Variants in GPC6 observed in about 807,000 individuals in gnomAD.
GPC6 encodes the protein glypican 6.
GPC6 carries 14 observed loss-of-function variants against 55.2 expected under a neutral mutation model. That is an observed-to-expected ratio of 0.25 (90% confidence interval 0.17 to 0.40). The LOEUF (loss-of-function observed/expected upper bound fraction) is 0.40. Among genes scored for constraint, GPC6 ranks in the 10% least tolerant of loss-of-function variants. GPC6 has a pLI of 1.00. For synonymous variants in GPC6, 278 were observed against 259.6 expected (o/e 1.07, Z -0.68); for missense variants, 641 against 708.5 (o/e 0.90, Z 1.08).
At chr13:93,357,124 C>G (rs79766236) in intron 1 of GPC6, among the ~76,000 whole-genome samples, 7 of 152,186 alleles carry the variant, frequency 4.6e-5, no homozygotes, top group African/African-American at 1.7e-4. Flanking sequence ...AAAATCAAGA[C>G]AGGTCATTCC....
intron 2 of GPC6, among the ~76,000 whole-genome samples, chr13:93,624,423 T>C (rs1879105091): frequency 6.6e-6 from 1 of 152,232 alleles, no homozygotes. Context: ...CAGGGCTTTA[T>C]ACGTCTCAAT....
chr13:93,866,033 C>T (rs1357727929), intron 3 of GPC6, among the ~76,000 whole-genome samples: 5 of 151,636 alleles, frequency 3.3e-5, no homozygotes, highest in Admixed American at 6.6e-5. Context: ...TGAGCAGAGG[C>T]GGAGTCCTTG....
intron 5 of GPC6, among the ~76,000 whole-genome samples, chr13:94,295,042 C>A (rs932259020): frequency 6.6e-6 from 1 of 152,006 alleles, no homozygotes; most frequent in Non-Finnish European, 1.5e-5. Context: ...AGACTTCCAG[C>A]GATAAGGAAT....
intron 7 of GPC6, among the ~76,000 whole-genome samples, chr13:94,385,461 T>C (rs1880360590): frequency 1.3e-5 from 2 of 152,202 alleles, no homozygotes; most frequent in African/African-American, 4.8e-5. Context: ...GGTGGGAAAA[T>C]GATCCAGTTT....
At chr13:93,892,385 C>G (rs1374477474) in intron 3 of GPC6, among the ~76,000 whole-genome samples, 1 of 152,094 alleles carries the variant, frequency 6.6e-6, no homozygotes, top group Non-Finnish European at 1.5e-5. Flanking sequence ...TATGACTTTT[C>G]TAAATACTAT....
chr13:93,788,451 T>A (rs1488894254), intron 2 of GPC6, among the ~76,000 whole-genome samples: 1 of 151,824 alleles, frequency 6.6e-6, no homozygotes, highest in Non-Finnish European at 1.5e-5. Flanking sequence ...AACCACAGCA[T>A]ACCACAAGTG....
chr13:93,473,371 G>A (rs988959515), intron 1 of GPC6, among the ~76,000 whole-genome samples: 4 of 152,186 alleles, frequency 2.6e-5, no homozygotes, highest in Non-Finnish European at 5.9e-5. Context: ...GCTGGAGCGT[G>A]CACACACCTG....
intron 1 of GPC6, among the ~76,000 whole-genome samples, chr13:93,433,983 T>C (rs2049732488): frequency 6.6e-6 from 1 of 152,176 alleles, no homozygotes; most frequent in Admixed American, 6.6e-5. Context: ...TTGGGCTAGT[T>C]CCTTTGCCTC....
At chr13:93,620,236 C>A (rs1878893244) in intron 2 of GPC6, among the ~76,000 whole-genome samples, 1 of 152,024 alleles carries the variant, frequency 6.6e-6, no homozygotes, top group Non-Finnish European at 1.5e-5. Flanking sequence ...GAATAAAAAC[C>A]AACTATTTTG....
intron 2 of GPC6, among the ~76,000 whole-genome samples, chr13:93,709,968 G>A (rs185757970): frequency 6.6e-6 from 1 of 151,666 alleles, no homozygotes; most frequent in Non-Finnish European, 1.5e-5. Flanking sequence ...ATTCAGAAAG[G>A]CTATATAAAT....
intron 6 of GPC6, among the ~76,000 whole-genome samples, chr13:94,361,778 T>A (rs570352517): frequency 6.6e-6 from 1 of 152,352 alleles, no homozygotes; most frequent in South Asian, 2.1e-4. Context: ...AAATTGTTGT[T>A]TGGAACAGAT....
chr13:93,777,728 C>A (rs1885514919), intron 2 of GPC6, among the ~76,000 whole-genome samples: 1 of 152,108 alleles, frequency 6.6e-6, no homozygotes, highest in South Asian at 2.1e-4. Context: ...ATTGCTAATG[C>A]CTGGTGCATG....
intron 7 of GPC6, among the ~76,000 whole-genome samples, chr13:94,394,120 G>A (rs1401495192): frequency 1.3e-5 from 2 of 152,166 alleles, no homozygotes; most frequent in Non-Finnish European, 2.9e-5. Flanking sequence ...TGTAGTCAAG[G>A]ACACTCACAT....
chr13:93,563,237 G>C (rs1281237918), intron 2 of GPC6, among the ~76,000 whole-genome samples: 1 of 152,100 alleles, frequency 6.6e-6, no homozygotes, highest in Non-Finnish European at 1.5e-5. Context: ...AGCTTGACCT[G>C]TTCACATCAA....
intron 6 of GPC6, among the ~76,000 whole-genome samples, chr13:94,315,360 T>C (rs1052358448): frequency 5.9e-5 from 9 of 152,238 alleles, no homozygotes. Flanking sequence ...GTGTTCATTA[T>C]GCATTGGCTG....
intron 1 of GPC6, among the ~76,000 whole-genome samples, chr13:93,262,007 T>C (rs1877167093): frequency 6.6e-6 from 1 of 151,908 alleles, no homozygotes; most frequent in Admixed American, 6.6e-5. Flanking sequence ...AAGTCATTTA[T>C]GAGAGTGCTG....
chr13:93,519,090 GC>G (rs1205057459), intron 1 of GPC6, among the ~76,000 whole-genome samples: 2 of 151,976 alleles, frequency 1.3e-5, no homozygotes, highest in Admixed American at 6.6e-5. Context: ...AATATTAAAA[GC>G]CTAAAGTATT....
chr13:93,464,921 G>A (rs1308892852), intron 1 of GPC6, among the ~76,000 whole-genome samples: 1 of 152,154 alleles, frequency 6.6e-6, no homozygotes. Context: ...CTGCAGAATG[G>A]ATATTGTGTT....
At chr13:93,738,749 GA>G (rs1175843644) in intron 2 of GPC6, among the ~76,000 whole-genome samples, 1 of 152,014 alleles carries the variant, frequency 6.6e-6, no homozygotes, top group Non-Finnish European at 1.5e-5. Context: ...TTGAAAGAAA[GA>G]AAAACAAATT....
Sources: gnomAD v4.1 joint callset for allele counts (sites outside exome capture counted in the v4.1 genomes callset) on GRCh38, gnomAD v4.1.1 for gene constraint, MANE v1.5 for transcripts, NCBI Gene and HGNC (gene_info 2026-07-23, HGNC 2026-07-21) for gene names.